The following PDIA6 variants were observed in gnomAD, a reference collection of about 807,000 sequenced individuals.
The protein encoded by PDIA6 is protein disulfide-isomerase A6.
Under a neutral mutation model 58.4 loss-of-function variants are expected in PDIA6, and 29 were observed. The ratio of observed to expected loss-of-function variants is 0.50; its 90% CI spans 0.37 to 0.68. The LOEUF is 0.68. Among genes scored for constraint, PDIA6 ranks in the 30% least tolerant of loss-of-function variants. The pLI is 0.00. For missense variants in PDIA6, 480 were observed against 551.0 expected (o/e 0.87, Z 1.29); for synonymous variants, 192 against 202.6 (o/e 0.95, Z 0.44).
chr2:10,785,778 T>C (rs1374500799), intron 11 of PDIA6, among the ~76,000 whole-genome samples: 2 of 152,202 alleles, frequency 1.3e-5, no homozygotes, highest in Non-Finnish European at 2.9e-5. Flanking sequence ...CAGGCTGGAG[T>C]GCAGTGGTGT....
At chr2:10,809,318 C>T (rs1198066111) in intron 1 of PDIA6, among the ~76,000 whole-genome samples, 3 of 152,152 alleles carry the variant, frequency 2.0e-5, no homozygotes, top group Admixed American at 6.5e-5. Flanking sequence ...GAGTTTGACA[C>T]GTTTAACAAA....
chr2:10,834,721 C>CCTT (rs1667788418), upstream of PDIA6, among the ~76,000 whole-genome samples: 88 of 45,526 alleles, frequency 1.9e-3, 1 homozygote, highest in African/African-American at 6.9e-3. Flanking sequence ...CTCCCTCCCT[C>CCTT]CCTTCCTTCC....
intron 1 of PDIA6, among the ~76,000 whole-genome samples, chr2:10,802,921 G>A (rs915319070): frequency 2.6e-5 from 4 of 152,166 alleles, no homozygotes; most frequent in African/African-American, 9.7e-5. Context: ...ATGTATCAAC[G>A]TCTTTGTTCT....
chr2:10,819,824 C>G (rs996712496), intron 1 of PDIA6, among the ~76,000 whole-genome samples: 7 of 152,228 alleles, frequency 4.6e-5, no homozygotes, highest in Admixed American at 2.6e-4. Flanking sequence ...CTCCAACACC[C>G]TATGGTAATC....
intron 4 of PDIA6, among the ~76,000 whole-genome samples, chr2:10,793,802 A>AG (rs1666145101): frequency 6.6e-6 from 1 of 152,260 alleles, no homozygotes; most frequent in South Asian, 2.1e-4. Flanking sequence ...CTGAGAAAGC[A>AG]GGGGAATTTC....
chr2:10,814,494 T>A (rs555942418), upstream of PDIA6, among the ~76,000 whole-genome samples: 5 of 152,388 alleles, frequency 3.3e-5, no homozygotes, highest in Admixed American at 6.5e-5. Context: ...CCTCCAGGCC[T>A]GTCTGCTTTC....
intron 1 of PDIA6, chr2:10,820,736 G>T: frequency 1.4e-6 from 1 of 702,930 alleles, no homozygotes; most frequent in Non-Finnish European, 2.6e-6. Context: ...CAGCTGGGGT[G>T]GCCCGAAGCC....
chr2:10,833,073 C>T (rs1307898115), upstream of PDIA6, among the ~76,000 whole-genome samples: 1 of 152,084 alleles, frequency 6.6e-6, no homozygotes, highest in Non-Finnish European at 1.5e-5. Context: ...CCAGGAGTCC[C>T]CATTTCCCAG....
At chr2:10,788,563 G>T in intron 10 of PDIA6, 134 bp downstream of exon 10, 1 of 659,128 alleles carries the variant, frequency 1.5e-6, no homozygotes. Context: ...GGCTGAGGCA[G>T]GAGGGAAAAA....
upstream of PDIA6, among the ~76,000 whole-genome samples, chr2:10,836,712 C>T (rs1174339790): frequency 3.3e-5 from 5 of 152,214 alleles, no homozygotes; most frequent in South Asian, 4.1e-4. Context: ...TCTTCCCCTT[C>T]GCTTACCCCT....
At chr2:10,836,308 T>G (rs778823742), upstream of PDIA6, among the ~76,000 whole-genome samples, 29 of 152,322 alleles carry the variant, frequency 1.9e-4, no homozygotes, top group Non-Finnish European at 3.8e-4. Context: ...ACGTCAGGCC[T>G]GGAGCATCCT....
At chr2:10,790,191 C>T (rs1665971226) in intron 7 of PDIA6, among the ~76,000 whole-genome samples, 1 of 152,106 alleles carries the variant, frequency 6.6e-6, no homozygotes, top group Non-Finnish European at 1.5e-5. Context: ...GTTGGCCAGG[C>T]TGGTTTTGAA....
chr2:10,789,066 C>T lies in PDIA6; in HGVS notation c.841-85G>A, dbSNP rs116764736. On this transcript the variant is annotated intron_variant, in intron 8 of 12. Transcript: ENST00000272227. Reference sequence around the variant, plus strand: ...AAGCTGGCAAACAAGACCTTCGCACCGTCACTTTCATTGAAAACATTTCTC... The same window carrying T: ...AAGCTGGCAAACAAGACCTTCGCACTGTCACTTTCATTGAAAACATTTCTC... 7,569 of 913,822 alleles carry T rather than the reference C, an allele frequency of 8.3e-3. 373 individuals carry two copies. In the African/African-American group the frequency reaches 0.1, roughly 13 times the overall value. The allele number at this position is 913,822 out of a possible 1,614,324, so 56.6% of individuals were successfully genotyped here.
Position 10,790,820 on chromosome 2 carries a change from ACT to A in PDIA6, c.596_597del (p.Glu199ValfsTer36). The A allele has an allele frequency of 6.2e-7, 1 of 1,613,080 alleles. No homozygotes were observed. The highest frequency in any genetic ancestry group is 1.3e-5 in the African/African-American group (1 of 74,984). The part of the protein sequence containing the change: ...WCGHCKNLEP[E>X]WAAAASEVKE... ...TTTACTTCTGAAGCTGCGGCAGCCC[ACT>A]CTGGCTCTAGGCTATAGAAAAATAT... On this transcript the variant is annotated frameshift_variant, in exon 7 of 13. Coordinates refer to ENST00000272227, the MANE Select transcript of PDIA6 (RefSeq NM_005742.4). LOFTEE classifies it high-confidence loss of function.
At chr2:10,806,177 G>A (rs1666733339) in intron 1 of PDIA6, among the ~76,000 whole-genome samples, 1 of 151,554 alleles carries the variant, frequency 6.6e-6, no homozygotes, top group South Asian at 2.1e-4. Context: ...AGACCAGCCT[G>A]GGCAACATAG....
At chr2:10,806,563 C>A (rs113829734) in intron 1 of PDIA6, among the ~76,000 whole-genome samples, 2,626 of 140,376 alleles carry the variant, frequency 0.019, 93 homozygotes, top group African/African-American at 0.063. Flanking sequence ...CTGCTTGAGG[C>A]CAGCAGTTCA....
At chr2:10,814,140 T>C (rs1159493910), upstream of PDIA6, among the ~76,000 whole-genome samples, 1 of 152,152 alleles carries the variant, frequency 6.6e-6, no homozygotes, top group Non-Finnish European at 1.5e-5. Context: ...AATTTCTCCA[T>C]ATTGTAGTGT....
At chr2:10,827,694 C>A (rs1215634165) in intron 1 of PDIA6, among the ~76,000 whole-genome samples, 1 of 151,818 alleles carries the variant, frequency 6.6e-6, no homozygotes, top group Non-Finnish European at 1.5e-5. Flanking sequence ...TATGGAGGCA[C>A]ACACCTGTAA....
chr2:10,837,561 T>C, exon 1 of PDIA6: 1 of 766,926 alleles, frequency 1.3e-6, no homozygotes, highest in East Asian at 2.7e-5. Context: ...TCAACTCATT[T>C]GATCCTCGGG....
Sources: allele counts gnomAD v4.1 joint callset (sites outside exome capture counted in the v4.1 genomes callset), GRCh38; gene constraint gnomAD v4.1.1; transcripts MANE v1.5; gene names NCBI Gene and HGNC (gene_info 2026-07-23, HGNC 2026-07-21).